ZPBP: variants seen among roughly 807,000 people sequenced by gnomAD.
The protein encoded by ZPBP is zona pellucida-binding protein 1.
A neutral mutation model predicts 44.8 loss-of-function variants in ZPBP; 26 were observed. The ratio of observed to expected loss-of-function variants is 0.58; its 90% CI spans 0.43 to 0.81. The LOEUF (loss-of-function observed/expected upper bound fraction) is 0.81. ZPBP is among the 30% of genes least tolerant of loss of function. The pLI, the probability that ZPBP is intolerant of heterozygous loss-of-function variation, is 0.00. For missense variants in ZPBP, 409 were observed against 434.0 expected (o/e 0.94, Z 0.51); for synonymous variants, 174 against 153.2 (o/e 1.14, Z -1.00).
intron 7 of ZPBP, among the ~76,000 whole-genome samples, chr7:49,946,626 T>C (rs1392583404): frequency 6.6e-6 from 1 of 152,216 alleles, no homozygotes; most frequent in Non-Finnish European, 1.5e-5. Flanking sequence ...TAGGATCCAT[T>C]CTTTATCCTT....
intron 1 of ZPBP, among the ~76,000 whole-genome samples, chr7:49,909,833 G>A (rs1386219451): frequency 6.6e-6 from 1 of 152,182 alleles, no homozygotes; most frequent in Non-Finnish European, 1.5e-5. Flanking sequence ...GCTGGGTGCG[G>A]CAACTCATTC....
At chr7:50,090,941 T>C (rs1282820946) in intron 1 of ZPBP, among the ~76,000 whole-genome samples, 1 of 152,160 alleles carries the variant, frequency 6.6e-6, no homozygotes, top group African/African-American at 2.4e-5. Flanking sequence ...AGTGTAGAAG[T>C]GTTCCCTTTT....
intron 4 of ZPBP, among the ~76,000 whole-genome samples, chr7:50,043,846 C>A (rs990584218): frequency 3.3e-5 from 5 of 152,156 alleles, no homozygotes; most frequent in African/African-American, 9.7e-5. Context: ...CTCTCCACCC[C>A]ACATCAACAG....
At chr7:49,928,985 C>T (rs1295659608) in intron 1 of ZPBP, among the ~76,000 whole-genome samples, 22 of 152,206 alleles carry the variant, frequency 1.4e-4, no homozygotes, top group Non-Finnish European at 3.2e-4. Context: ...CTATGACACT[C>T]TGAGCATACT....
chr7:50,044,992 A>G (rs1392404681), intron 4 of ZPBP, among the ~76,000 whole-genome samples: 1 of 152,252 alleles, frequency 6.6e-6, no homozygotes, highest in Non-Finnish European at 1.5e-5. Flanking sequence ...AGGCTGGTTC[A>G]ACATACTCAA....
intron 2 of ZPBP, among the ~76,000 whole-genome samples, chr7:49,868,740 C>T (rs908911416): frequency 2.0e-5 from 3 of 152,180 alleles, no homozygotes; most frequent in African/African-American, 7.2e-5. Flanking sequence ...GCCTCAGCCT[C>T]CCAAGTAGAT....
rs1169480763 is a variant in ZPBP at position 49,877,462 on chromosome 7, CAA to C, written n.509+23654_509+23655del. On this transcript the variant is annotated intron_variant and non_coding_transcript_variant, in intron 2 of 2. Coordinates refer to the ZPBP transcript ENST00000465922. ...GGGCAACAAGTAAGAAACTCTGTCT[CAA>C]AAAAAAAAAAAAAAAAAATATATAT... is the stretch of plus-strand genomic sequence containing the variant. 9.2e-3 allele frequency among the ~76,000 whole-genome samples: 65 copies of C among 7,034 alleles called. 2 individuals carry two copies. Among genetic ancestry groups the C allele is most frequent in the East Asian group, 0.022 (2 of 90 alleles). 4.6% of individuals were successfully genotyped at this position (7,034 alleles called of 152,430 possible). A position where few individuals can be genotyped will look rare whatever the true frequency, so the allele number is the denominator to read the frequency against.
intron 7 of ZPBP, among the ~76,000 whole-genome samples, chr7:49,946,043 GACA>G (rs200149166): frequency 2.0e-5 from 3 of 151,988 alleles, no homozygotes; most frequent in East Asian, 3.9e-4. Context: ...ATTTTAAACT[GACA>G]ACAACTTAAT....
chr7:50,052,255 T>C (rs924673924), intron 4 of ZPBP, among the ~76,000 whole-genome samples: 1 of 152,070 alleles, frequency 6.6e-6, no homozygotes, highest in African/African-American at 2.4e-5. Context: ...CCAATGTTAA[T>C]ATATCAGACA....
intron 5 of ZPBP, among the ~76,000 whole-genome samples, chr7:50,023,395 G>C (rs1584063832): frequency 6.6e-6 from 1 of 151,848 alleles, no homozygotes; most frequent in Middle Eastern, 3.4e-3. Context: ...TCTTATTCAA[G>C]AAAAAGTCTC....
intron 2 of ZPBP, among the ~76,000 whole-genome samples, chr7:49,866,436 G>A (rs958560257): frequency 3.3e-5 from 5 of 152,200 alleles, no homozygotes; most frequent in Admixed American, 2.6e-4. Flanking sequence ...TCAGGCTTGC[G>A]AGTGCAGTAG....
At chr7:49,934,458 A>AC (rs1794559045), downstream of ZPBP, among the ~76,000 whole-genome samples, 1 of 152,124 alleles carries the variant, frequency 6.6e-6, no homozygotes, top group African/African-American at 2.4e-5. Flanking sequence ...AAAAAAAAAA[A>AC]ACTCACACAT....
chr7:50,058,032 C>A lies in ZPBP; in HGVS notation c.444G>T (p.Val148=), dbSNP rs149720465. Residue 148 remains valine, a synonymous_variant, in exon 4 of 8, where the codon GTG becomes GTT. Transcript: ENST00000046087. ...GTTGAAGACGTTTAACAATTTCTTC[C>A]ACAGTAGGTTTATATTCGAGGAAAC... ...YTCFLEYKPT[V]EEIVKRLQLK... 3.1e-6 allele frequency: 5 copies of A among 1,612,976 alleles called. No homozygotes were observed. The Admixed American group carries it at 8.3e-5, about 27-fold the overall frequency.
At chr7:49,874,445 A>G (rs1562745352) in intron 2 of ZPBP, among the ~76,000 whole-genome samples, 2 of 151,868 alleles carry the variant, frequency 1.3e-5, no homozygotes, top group Admixed American at 6.6e-5. Context: ...TGTACTATCT[A>G]GGTCTGTGCA....
In ZPBP at chr7:50,001,669, G is replaced by A. The variant is rs181375256; in HGVS notation, c.783+16571C>T. Among the ~76,000 whole-genome samples the A allele has an allele frequency of 2.7e-3, 408 of 152,212 alleles. 2 individuals carry two copies. Among genetic ancestry groups the A allele is most frequent in the African/African-American group, 9.1e-3 (378 of 41,548 alleles). On this transcript the variant is annotated intron_variant, in intron 6 of 7. Coordinates refer to ENST00000046087, the MANE Select transcript of ZPBP (RefSeq NM_007009.3). ...TGAAGGAGAATAATCCATTCCTAAA[G>A]AGCACAAAACAGATGAGGTGAGGTG...
At chr7:49,843,501 G>A in the ZPBP span, among the ~76,000 whole-genome samples, 2 of 152,322 alleles carry the variant, frequency 1.3e-5, no homozygotes, top group South Asian at 2.1e-4. Flanking sequence ...CAGCTTACAA[G>A]CACTAATTCA....
chr7:50,059,744 T>C (rs935838974), intron 3 of ZPBP, among the ~76,000 whole-genome samples: 5 of 152,114 alleles, frequency 3.3e-5, no homozygotes, highest in African/African-American at 1.2e-4. Context: ...TCAAAATATA[T>C]ACCTAAATGC....
chr7:50,088,565 C>G (rs1802787516), intron 2 of ZPBP, among the ~76,000 whole-genome samples: 1 of 151,654 alleles, frequency 6.6e-6, no homozygotes, highest in Admixed American at 6.6e-5. Flanking sequence ...AATTCAACAA[C>G]AAAAAGAAAA....
chr7:49,850,791 G>A (rs1342770894), intron 2 of ZPBP, among the ~76,000 whole-genome samples: 1 of 152,200 alleles, frequency 6.6e-6, no homozygotes, highest in African/African-American at 2.4e-5. Flanking sequence ...CATGGGTACA[G>A]TGAGCTCCGT....
Sources: gnomAD v4.1 joint callset for allele counts (sites outside exome capture counted in the v4.1 genomes callset) on GRCh38, gnomAD v4.1.1 for gene constraint, MANE v1.5 for transcripts, NCBI Gene and HGNC (gene_info 2026-07-23, HGNC 2026-07-21) for gene names.